Variants in SPOCD1 observed in about 807,000 individuals in gnomAD.
SPOCD1 encodes the protein SPOC domain-containing protein 1.
Under a neutral mutation model 92.2 loss-of-function variants are expected in SPOCD1, and 64 were observed. That is an observed-to-expected ratio of 0.69 (90% confidence interval 0.57 to 0.86). The LOEUF is 0.86. Among genes scored for constraint, SPOCD1 ranks in the 40% least tolerant of loss-of-function variants. The pLI, the probability that SPOCD1 is intolerant of heterozygous loss-of-function variation, is 0.00. For missense variants in SPOCD1, 1,360 were observed against 1,543.1 expected, an observed-to-expected ratio of 0.88 and a Z score of 1.99; for synonymous variants, 578 against 619.3, an observed-to-expected ratio of 0.93 and a Z score of 0.99.
At chr1:31,792,912 C>G in intron 13 of SPOCD1, 145 bp from the exon 14 acceptor site, 2 of 731,494 alleles carry the variant, frequency 2.7e-6, no homozygotes, top group Non-Finnish European at 4.8e-6. Flanking sequence ...CCAGAAAGCT[C>G]TAATTGCCCC....
At chr1:31,808,590 C>A (rs559991906) in intron 2 of SPOCD1, among the ~76,000 whole-genome samples, 2 of 151,946 alleles carry the variant, frequency 1.3e-5, no homozygotes, top group South Asian at 4.2e-4. Context: ...AAGTGTCATA[C>A]TTAAGGTGAA....
At chr1:31,793,257 T>C (rs1483642502) in intron 13 of SPOCD1, 21 bp downstream of exon 13, 4 of 1,577,106 alleles carry the variant, frequency 2.5e-6, no homozygotes, top group African/African-American at 1.3e-5. Flanking sequence ...AGGGAATCCC[T>C]GGCGAGGAGG....
In SPOCD1 at chr1:31,793,796, G is replaced by T; in HGVS notation, c.2485C>A (p.Pro829Thr). The T allele has an allele frequency of 1.2e-6, 2 of 1,614,234 alleles. No homozygotes were observed. The highest frequency in any genetic ancestry group is 2.2e-5 in the South Asian group (2 of 91,084). Residue 829 changes from proline (P) to threonine (T), a missense_variant, in exon 12 of 16, where the codon CCA becomes ACA. Physicochemically the swap from Pro to Thr is conservative, Grantham distance 38 (BLOSUM62 -1). This residue lies in a region of SPOCD1 where 614 missense variants were observed against 757.8 expected (regional missense o/e 0.81). Transcript: ENST00000360482. ...KALSQTPMPA[P>T]EMPKTRELSP... ...AACTCCCTGGTTTTGGGCATCTCTGGAGCAGGCATAGGAGTTTGGCTTAGG... is the reference window on the plus strand; with the variant it reads ...AACTCCCTGGTTTTGGGCATCTCTGTAGCAGGCATAGGAGTTTGGCTTAGG...
intron 2 of SPOCD1, among the ~76,000 whole-genome samples, chr1:31,809,839 G>A (rs996407785): frequency 1.3e-5 from 2 of 152,154 alleles, no homozygotes; most frequent in African/African-American, 4.8e-5. Context: ...CCTGGAGAAA[G>A]GCCATCCTGA....
At chr1:31,796,406 G>T in intron 10 of SPOCD1, 184 bp downstream of exon 10, 2 of 929,508 alleles carry the variant, frequency 2.2e-6, no homozygotes, top group Non-Finnish European at 3.3e-6. Flanking sequence ...GCAGGCCTGT[G>T]CCAGCAGCAC....
chr1:31,799,087 C>T (rs1648241226), intron 7 of SPOCD1, among the ~76,000 whole-genome samples: 1 of 152,268 alleles, frequency 6.6e-6, no homozygotes, highest in Non-Finnish European at 1.5e-5. Context: ...CAGCTCTGGG[C>T]TCAGATCTCT....
At chr1:31,793,200 G>A (rs1034380633) in intron 13 of SPOCD1, 78 bp downstream of exon 13, 1 of 1,474,024 alleles carries the variant, frequency 6.8e-7, no homozygotes, top group East Asian at 2.5e-5. Flanking sequence ...GAATGCATGA[G>A]TGAAAGAGAG....
rs774792708 is a variant in SPOCD1 at position 31,813,999 on chromosome 1, G to C, written c.1335C>G (p.Ser445=). 1.9e-6 allele frequency: 3 copies of C among 1,600,714 alleles called. No homozygotes were observed. Among genetic ancestry groups the C allele is most frequent in the African/African-American group, 2.7e-5 (2 of 74,628 alleles). Residue 445 remains serine, a synonymous_variant, in exon 2 of 16, where the codon TCC becomes TCG. Coordinates refer to ENST00000360482, the MANE Select transcript of SPOCD1 (RefSeq NM_144569.7). ...DRGTDRSSDN[S]HQDRPEEPSP... ...TGGGTTCCTCTGGCCTGTCCTGGTG[G>C]GAGTTGTCTGAGCTTCTGTCTGTGC...
At chr1:31,804,985 C>T (rs149567925) in intron 2 of SPOCD1, among the ~76,000 whole-genome samples, 32 of 105,892 alleles carry the variant, frequency 3.0e-4, no homozygotes, top group East Asian at 8.9e-4. Flanking sequence ...TTCTTTCTTT[C>T]TTTTTTTTTT....
chr1:31,809,298 T>A (rs1649041129), intron 2 of SPOCD1, among the ~76,000 whole-genome samples: 1 of 152,162 alleles, frequency 6.6e-6, no homozygotes, highest in Non-Finnish European at 1.5e-5. Context: ...AAAACCTAAG[T>A]CTGCTACCAT....
intron 11 of SPOCD1, 104 bp downstream of exon 11, chr1:31,794,020 C>T: frequency 6.7e-7 from 1 of 1,501,970 alleles, no homozygotes; most frequent in Non-Finnish European, 9.1e-7. Flanking sequence ...GGCACCCCTG[C>T]TCTGCCACCC....
At chr1:31,801,300 GTGT>G (rs1449729369) in intron 3 of SPOCD1, among the ~76,000 whole-genome samples, 2 of 152,226 alleles carry the variant, frequency 1.3e-5, no homozygotes, top group East Asian at 1.9e-4. Context: ...AGAGAGCAAG[GTGT>G]TGTTGTAACA....
At chr1:31,807,438 G>A (rs1304582728) in intron 2 of SPOCD1, among the ~76,000 whole-genome samples, 2 of 68,034 alleles carry the variant, frequency 2.9e-5, no homozygotes, top group African/African-American at 1.2e-4. Context: ...GAGAAGGGGA[G>A]GGAAGGGACT....
At chr1:31,794,059 G>A (rs1647814545) in intron 11 of SPOCD1, 65 bp downstream of exon 11, 1 of 1,552,694 alleles carries the variant, frequency 6.4e-7, no homozygotes, top group South Asian at 1.1e-5. Context: ...CCCTGTTGCT[G>A]CTGAACTGCA....
At position 31,790,490 on chromosome 1, in the gene SPOCD1, A is replaced by T; in HGVS notation, c.*113T>A. 2 of 950,100 alleles carry T rather than the reference A, an allele frequency of 2.1e-6. No homozygotes were observed. The highest frequency in any genetic ancestry group is 1.7e-5 in the African/African-American group (1 of 59,744). The allele number at this position is 950,100 out of a possible 1,614,324, so 58.9% of individuals were successfully genotyped here. A position where few individuals can be genotyped will look rare whatever the true frequency, so the allele number is the denominator to read the frequency against. On this transcript the variant is annotated 3_prime_UTR_variant, in exon 16 of 16. Coordinates refer to ENST00000360482, the MANE Select transcript of SPOCD1 (RefSeq NM_144569.7). ...AAACATTGTCAAACAGGAAGTTCAA[A>T]CAGGGCAGGTGGGTAGGGCTGACCA...
At chr1:31,800,393 T>G in intron 4 of SPOCD1, 48 bp downstream of exon 4, 6 of 1,501,206 alleles carry the variant, frequency 4.0e-6, no homozygotes, top group Non-Finnish European at 5.4e-6. Context: ...GAATCAGGTG[T>G]GAAGGTGCCT....
chr1:31,798,847 T>TA lies in SPOCD1; in HGVS notation c.1869-247dup. ...AGAGGCTTACTCACAACTGTGTAAT[T>TA]AGTGGCAAAAGCAAGATTTGAAACT... On this transcript the variant is annotated intron_variant, in intron 7 of 15. Transcript: ENST00000360482. The surrounding 1 kb of genome is among the most constrained non-coding windows in gnomAD (Gnocchi z 4.1). 1 of 574,070 alleles carries TA rather than the reference T, an allele frequency of 1.7e-6. No individual in the cohort carries two copies. The allele number at this position is 574,070 out of a possible 1,614,324, so 35.6% of individuals were successfully genotyped here. A position where few individuals can be genotyped will look rare whatever the true frequency, so the allele number is the denominator to read the frequency against.
intron 14 of SPOCD1, 90 bp downstream of exon 14, chr1:31,792,587 AT>A: frequency 8.1e-7 from 1 of 1,235,872 alleles, no homozygotes; most frequent in Non-Finnish European, 1.1e-6. Flanking sequence ...CTAGACCCAG[AT>A]ATCCAAGCCA....
chr1:31,792,013 A>T, intron 15 of SPOCD1: 1 of 616,158 alleles, frequency 1.6e-6, no homozygotes, highest in Non-Finnish European at 2.8e-6. Flanking sequence ...TCATCTAGGT[A>T]AAGCTTTTAG....
Sources: gnomAD v4.1 joint callset for allele counts (sites outside exome capture counted in the v4.1 genomes callset) on GRCh38, gnomAD v4.1.1 for gene constraint, gnomAD v4.1.1 regional missense constraint, Gnocchi (gnomAD v3.1) non-coding constraint, MANE v1.5 for transcripts, NCBI Gene and HGNC (gene_info 2026-07-23, HGNC 2026-07-21) for gene names.